The following KCTD20 variants were observed in gnomAD, a reference collection of about 807,000 sequenced individuals.
KCTD20 encodes potassium channel tetramerization domain containing 20.
In KCTD20, 30 loss-of-function variants were observed where a neutral mutation model predicts 39.6. That is an observed-to-expected ratio of 0.76 (90% CI 0.57 to 1.03). KCTD20 has a LOEUF of 1.03. KCTD20 is among the 50% of genes least tolerant of loss of function. KCTD20 has a pLI of 0.00. For missense variants in KCTD20, 422 were observed against 522.0 expected (o/e 0.81, Z 1.87); for synonymous variants, 162 against 180.6 (o/e 0.90, Z 0.83).
chr6:36,452,108 G>T (rs571995629), intron 1 of KCTD20, among the ~76,000 whole-genome samples: 1 of 152,224 alleles, frequency 6.6e-6, no homozygotes, highest in South Asian at 2.1e-4. Flanking sequence ...AATGTGCCTG[G>T]CCTATTTTTT....
At chr6:36,484,091 C>G (rs1395508124) in intron 6 of KCTD20, among the ~76,000 whole-genome samples, 1 of 151,914 alleles carries the variant, frequency 6.6e-6, no homozygotes, top group Non-Finnish European at 1.5e-5. Flanking sequence ...AGGCACCCAC[C>G]ACTATGCCTA....
In KCTD20 at chr6:36,490,604, T is replaced by G. The variant is rs1582389881; in HGVS notation, c.*3429T>G. Reference sequence around the variant, plus strand: ...GGCTCATGCCGGTAATCCCAGCACTTTGGGAGGCCAAGGTGGGAGGATCAC... The same window carrying G: ...GGCTCATGCCGGTAATCCCAGCACTGTGGGAGGCCAAGGTGGGAGGATCAC... On this transcript the variant is annotated 3_prime_UTR_variant, in exon 8 of 8. Coordinates refer to ENST00000373731, the MANE Select transcript of KCTD20 (RefSeq NM_173562.5). 1 of 152,240 alleles carries G rather than the reference T, an allele frequency of 6.6e-6. No homozygotes were observed. Among genetic ancestry groups the G allele is most frequent in the Non-Finnish European group, 1.5e-5 (1 of 68,222 alleles). The allele number at this position is 152,240 out of a possible 1,614,324, so 9.4% of individuals were successfully genotyped here.
intron 6 of KCTD20, among the ~76,000 whole-genome samples, chr6:36,482,279 C>T (rs188106939): frequency 3.3e-5 from 5 of 152,170 alleles, no homozygotes; most frequent in African/African-American, 9.7e-5. Context: ...CTGGGCCGGG[C>T]GCGGTAGCTC....
At chr6:36,484,850 C>CCA in intron 7 of KCTD20, 26 bp downstream of exon 7, 1 of 1,309,062 alleles carries the variant, frequency 7.6e-7, no homozygotes, top group South Asian at 1.2e-5. Context: ...AAATCCCAGT[C>CCA]AACATTCAGG....
At chr6:36,473,100 A>G (rs985104400) in intron 2 of KCTD20, among the ~76,000 whole-genome samples, 6 of 149,896 alleles carry the variant, frequency 4.0e-5, no homozygotes, top group Middle Eastern at 3.4e-3. Flanking sequence ...TTGCTCTGTC[A>G]CCCAGGCTGG....
Position 36,484,716 on chromosome 6 carries a change from C to CT in KCTD20, c.862dup (p.Tyr288LeufsTer2), listed in dbSNP as rs776102654. ...ACCCTATATTTTTTCTTTTTCAGTT[C>CT]TTTATAGCTCCAAGCTCTACAGATT... On this transcript the variant is annotated frameshift_variant, in exon 7 of 8. Transcript: ENST00000373731. LOFTEE classifies it high-confidence loss of function. The CT allele has an allele frequency of 6.6e-7, 1 of 1,524,586 alleles. No homozygotes were observed. The highest frequency in any genetic ancestry group is 2.3e-5 in the East Asian group (1 of 44,132). The allele number at this position is 1,524,586 out of a possible 1,614,324, so 94.4% of individuals were successfully genotyped here.
At position 36,484,806 on chromosome 6, in the gene KCTD20, A is replaced by G; in HGVS notation, c.949A>G (p.Ile317Val). The G allele has an allele frequency of 1.3e-6, 2 of 1,587,902 alleles. No homozygotes were observed. Among genetic ancestry groups the G allele is most frequent in the Non-Finnish European group, 1.7e-6 (2 of 1,160,350 alleles). ...TVLKERGLKNIRIGIEGYPTC... is the reference protein window; with the variant it reads ...TVLKERGLKNVRIGIEGYPTC... ...GTTAAAGGAACGGGGCCTAAAAAACATTCGCATTGGAATTGAAGGTAAAAA... is the reference window on the plus strand; with the variant it reads ...GTTAAAGGAACGGGGCCTAAAAAACGTTCGCATTGGAATTGAAGGTAAAAA... The change falls in exon 7 of 8, where the codon ATT (isoleucine) becomes GTT (valine). Residue 317 changes from isoleucine (I) to valine (V), a missense_variant. By Grantham distance (29) the Ile-to-Val change is conservative. Coordinates refer to ENST00000373731, the MANE Select transcript of KCTD20 (RefSeq NM_173562.5).
intron 6 of KCTD20, among the ~76,000 whole-genome samples, chr6:36,483,401 C>T (rs1302071106): frequency 4.0e-5 from 6 of 150,390 alleles, no homozygotes; most frequent in South Asian, 4.2e-4. Context: ...TTAATAGAAA[C>T]GGGGTTTCAC....
At chr6:36,455,095 A>G (rs1195718220) in intron 1 of KCTD20, among the ~76,000 whole-genome samples, 1 of 152,050 alleles carries the variant, frequency 6.6e-6, no homozygotes, top group Non-Finnish European at 1.5e-5. Flanking sequence ...CTTGATGCTG[A>G]CAAAAGCTCT....
At chr6:36,481,482 C>A in intron 5 of KCTD20, 80 bp from the exon 6 acceptor site, 1 of 1,012,700 alleles carries the variant, frequency 9.9e-7, no homozygotes, top group Non-Finnish European at 1.6e-6. Flanking sequence ...TGATAACAGC[C>A]ATTCCCTCAT....
At chr6:36,464,321 A>G (rs1775680314) in intron 1 of KCTD20, among the ~76,000 whole-genome samples, 1 of 152,178 alleles carries the variant, frequency 6.6e-6, no homozygotes, top group Admixed American at 6.5e-5. Context: ...TATAAACTCT[A>G]TTTATGAATG....
chr6:36,479,789 T>C, intron 5 of KCTD20, 78 bp downstream of exon 5: 1 of 1,022,184 alleles, frequency 9.8e-7, no homozygotes, highest in Non-Finnish European at 1.3e-6. Context: ...ATTTTTTTTT[T>C]TTTTTTTTTT....
intron 1 of KCTD20, among the ~76,000 whole-genome samples, chr6:36,457,201 A>C (rs1011141520): frequency 6.6e-6 from 1 of 152,186 alleles, no homozygotes. Flanking sequence ...CCTAAAGTAC[A>C]GGGATTGCAT....
At chr6:36,451,541 T>TGTA (rs1315276687) in intron 1 of KCTD20, 3 of 152,074 alleles carry the variant, frequency 2.0e-5, no homozygotes, top group African/African-American at 7.2e-5. Flanking sequence ...CAGGATGAGG[T>TGTA]GTAGTGGCAA....
intron 2 of KCTD20, among the ~76,000 whole-genome samples, chr6:36,472,276 G>T (rs950991554): frequency 6.6e-6 from 1 of 152,218 alleles, no homozygotes; most frequent in Non-Finnish European, 1.5e-5. Flanking sequence ...CTTTTGGTGT[G>T]CAAACATGAG....
At chr6:36,473,021 C>G (rs1039012197) in intron 2 of KCTD20, among the ~76,000 whole-genome samples, 2 of 151,868 alleles carry the variant, frequency 1.3e-5, no homozygotes, top group African/African-American at 2.4e-5. Context: ...CTGCCTCAGC[C>G]TCCTGATAGC....
chr6:36,466,612 G>C (rs1775762355), intron 1 of KCTD20, among the ~76,000 whole-genome samples: 1 of 151,784 alleles, frequency 6.6e-6, no homozygotes, highest in Non-Finnish European at 1.5e-5. Flanking sequence ...GAACTCTCAG[G>C]CTCAAGAGAT....
chr6:36,465,241 A>G (rs1775711086), intron 1 of KCTD20, among the ~76,000 whole-genome samples: 1 of 149,704 alleles, frequency 6.7e-6, no homozygotes, highest in African/African-American at 2.5e-5. Context: ...GGTTGCAGTG[A>G]GCTGGGATCG....
chr6:36,454,376 C>T (rs921070689), intron 1 of KCTD20, among the ~76,000 whole-genome samples: 14 of 149,194 alleles, frequency 9.4e-5, no homozygotes, highest in Non-Finnish European at 1.9e-4. Flanking sequence ...GAGTCTCGCT[C>T]TGTCGCCCAG....
Sources: allele counts gnomAD v4.1 joint callset (sites outside exome capture counted in the v4.1 genomes callset), GRCh38; gene constraint gnomAD v4.1.1; transcripts MANE v1.5; gene names NCBI Gene and HGNC (gene_info 2026-07-23, HGNC 2026-07-21).